WWOX: variants seen among roughly 807,000 people sequenced by gnomAD.
WWOX encodes WW domain containing oxidoreductase, also known as WW domain-containing oxidoreductase.
In WWOX, 69 loss-of-function variants were observed where a neutral mutation model predicts 46.2. The ratio of observed to expected loss-of-function variants is 1.49; its 90% CI spans 1.23 to 1.82. The LOEUF is 1.82. Among genes scored for constraint, WWOX ranks in the 40% most tolerant of loss-of-function variants. WWOX has a pLI of 0.00. For synonymous variants in WWOX, 359 were observed against 202.6 expected (o/e 1.77, Z -6.56); for missense variants, 919 against 542.6 (o/e 1.69, Z -6.89).
chr16:78,637,947 A>G (rs1252960866), intron 8 of WWOX, among the ~76,000 whole-genome samples: 1 of 152,044 alleles, frequency 6.6e-6, no homozygotes, highest in East Asian at 1.9e-4. Context: ...AGGGGTCTCC[A>G]TGGTTTCTTC....
At chr16:78,884,716 C>T (rs2044417035) in intron 8 of WWOX, among the ~76,000 whole-genome samples, 1 of 152,180 alleles carries the variant, frequency 6.6e-6, no homozygotes, top group African/African-American at 2.4e-5. Context: ...TGCTAATGTT[C>T]TGTTGCTTGT....
At chr16:78,391,638 A>G (rs950887581) in intron 6 of WWOX, among the ~76,000 whole-genome samples, 1 of 152,190 alleles carries the variant, frequency 6.6e-6, no homozygotes, top group African/African-American at 2.4e-5. Context: ...GCTTGAGGCC[A>G]GGAGTTTGAG....
intron 8 of WWOX, among the ~76,000 whole-genome samples, chr16:78,639,711 C>T (rs2046657686): frequency 6.6e-6 from 1 of 151,960 alleles, no homozygotes; most frequent in Non-Finnish European, 1.5e-5. Context: ...TTACAGGTGC[C>T]CGCCACCACG....
At chr16:79,133,593 G>C (rs1406033806) in intron 8 of WWOX, among the ~76,000 whole-genome samples, 2 of 152,140 alleles carry the variant, frequency 1.3e-5, no homozygotes, top group Non-Finnish European at 2.9e-5. Context: ...GCAAGGTGCA[G>C]TCTTTTTGAA....
intron 8 of WWOX, among the ~76,000 whole-genome samples, chr16:78,589,167 G>T (rs1039736663): frequency 6.6e-6 from 1 of 152,202 alleles, no homozygotes; most frequent in Non-Finnish European, 1.5e-5. Flanking sequence ...GGGATCCGGG[G>T]AGCATATGGA....
At chr16:78,124,506 A>C (rs2033271042) in intron 4 of WWOX, among the ~76,000 whole-genome samples, 1 of 152,178 alleles carries the variant, frequency 6.6e-6, no homozygotes, top group East Asian at 1.9e-4. Context: ...GGTCACTAGG[A>C]GGCCTTCTTG....
At chr16:78,804,196 C>G (rs1385880329) in intron 8 of WWOX, among the ~76,000 whole-genome samples, 4 of 152,134 alleles carry the variant, frequency 2.6e-5, no homozygotes, top group African/African-American at 4.8e-5. Context: ...AGCCCAGGAA[C>G]TGCAGTCCCT....
chr16:79,036,617 C>G (rs1222643829), intron 8 of WWOX, among the ~76,000 whole-genome samples: 3 of 152,184 alleles, frequency 2.0e-5, no homozygotes, highest in East Asian at 3.9e-4. Context: ...GAAAGGCTTA[C>G]CAACTCCATT....
intron 8 of WWOX, among the ~76,000 whole-genome samples, chr16:78,640,582 C>T (rs985297158): frequency 3.9e-5 from 6 of 152,112 alleles, no homozygotes; most frequent in Admixed American, 1.3e-4. Context: ...CCATGGCACA[C>T]ATTTACCTAT....
At chr16:78,540,783 C>G (rs2043873473) in intron 8 of WWOX, among the ~76,000 whole-genome samples, 1 of 152,086 alleles carries the variant, frequency 6.6e-6, no homozygotes, top group South Asian at 2.1e-4. Context: ...AATTCATGAG[C>G]CCAAGCGATC....
chr16:78,893,394 A>G (rs1202115431), intron 8 of WWOX, among the ~76,000 whole-genome samples: 3 of 151,734 alleles, frequency 2.0e-5, no homozygotes, highest in Non-Finnish European at 2.9e-5. Context: ...CATTCAGTAT[A>G]TTTTCTTTAT....
chr16:78,629,396 G>T (rs2046378109), intron 8 of WWOX, among the ~76,000 whole-genome samples: 1 of 152,134 alleles, frequency 6.6e-6, no homozygotes, highest in Non-Finnish European at 1.5e-5. Flanking sequence ...TTTCTCACTG[G>T]CATCTCTGCT....
At chr16:78,781,275 A>G (rs551037072) in intron 8 of WWOX, among the ~76,000 whole-genome samples, 13 of 152,254 alleles carry the variant, frequency 8.5e-5, no homozygotes, top group Admixed American at 2.0e-4. Flanking sequence ...AAATAGAGCT[A>G]TTTTGGAAAT....
intron 5 of WWOX, among the ~76,000 whole-genome samples, chr16:78,322,603 A>G (rs1021288803): frequency 1.2e-4 from 19 of 152,186 alleles, no homozygotes; most frequent in Admixed American, 1.2e-3. Flanking sequence ...ACCCAGGTAG[A>G]CCTGAATTAA....
intron 8 of WWOX, among the ~76,000 whole-genome samples, chr16:78,894,565 A>G (rs1429491737): frequency 6.6e-6 from 1 of 152,136 alleles, no homozygotes; most frequent in African/African-American, 2.4e-5. Context: ...TCTAATTTTC[A>G]ACTGGAGATG....
At chr16:78,892,972 C>T (rs962075967) in intron 8 of WWOX, among the ~76,000 whole-genome samples, 21 of 152,162 alleles carry the variant, frequency 1.4e-4, no homozygotes, top group African/African-American at 5.1e-4. Flanking sequence ...AACAGTAATG[C>T]CTTGGATTCC....
At chr16:78,807,299 C>G (rs1245031847) in intron 8 of WWOX, among the ~76,000 whole-genome samples, 2 of 152,214 alleles carry the variant, frequency 1.3e-5, no homozygotes, top group African/African-American at 2.4e-5. Flanking sequence ...ACCACAATGT[C>G]AAAATACTTA....
chr16:78,999,384 C>G (rs1013057646), intron 8 of WWOX, among the ~76,000 whole-genome samples: 1 of 152,104 alleles, frequency 6.6e-6, no homozygotes, highest in African/African-American at 2.4e-5. Flanking sequence ...GCAGGAGAAT[C>G]GCTTCAACCC....
intron 8 of WWOX, among the ~76,000 whole-genome samples, chr16:78,792,967 T>C (rs964566786): frequency 3.3e-5 from 5 of 152,186 alleles, no homozygotes; most frequent in African/African-American, 9.6e-5. Context: ...GAAATCTCTT[T>C]ATTTCGTTGG....
Sources: gnomAD v4.1 joint callset for allele counts (sites outside exome capture counted in the v4.1 genomes callset) on GRCh38, gnomAD v4.1.1 for gene constraint, MANE v1.5 for transcripts, NCBI Gene and HGNC (gene_info 2026-07-23, HGNC 2026-07-21) for gene names.